The following NLRP13 variants were observed in gnomAD, a reference collection of about 807,000 sequenced individuals.
The protein encoded by NLRP13 is NLR family pyrin domain containing 13.
Under a neutral mutation model 94.4 loss-of-function variants are expected in NLRP13, and 82 were observed. That is an observed-to-expected ratio of 0.87 (90% CI 0.73 to 1.04). The LOEUF (loss-of-function observed/expected upper bound fraction) is 1.04, where lower values mean the gene tolerates loss of function less well. NLRP13 is among the 50% of genes least tolerant of loss of function. The probability of loss-of-function intolerance (pLI) is 0.00; values close to 1 mark genes in which losing one functional copy is unlikely to be tolerated. For missense variants in NLRP13, 1,426 were observed against 1,230.8 expected, an observed-to-expected ratio of 1.16 and a Z score of -2.37; for synonymous variants, 553 against 464.7, an observed-to-expected ratio of 1.19 and a Z score of -2.45.
At chr19:55,892,302 A>T (rs1451460811), downstream of NLRP13, among the ~76,000 whole-genome samples, 2 of 151,960 alleles carry the variant, frequency 1.3e-5, no homozygotes, top group South Asian at 4.2e-4. Context: ...AAGTACTTTA[A>T]CCCTTGCCTC....
At position 55,895,993 on chromosome 19, in the gene NLRP13, T is replaced by C; in HGVS notation, c.3084A>G (p.Leu1028=). 6.2e-7 allele frequency: 1 copy of C among 1,614,164 alleles called. No individual in the cohort carries two copies. The highest frequency in any genetic ancestry group is 8.5e-7 in the Non-Finnish European group (1 of 1,180,012). Reference sequence around the variant, plus strand: ...ATGTCGACTTTTTCAAAGCCTTACATAGCATCTTGACACCATCAGTATCCA... The same window carrying C: ...ATGTCGACTTTTTCAAAGCCTTACACAGCATCTTGACACCATCAGTATCCA... ...NELDTDGVKM[L]CKALKKSTCR... is the part of the protein sequence containing the mutation. The change falls in exon 11 of 11, where the codon CTA becomes CTG. Residue 1028 remains leucine, a synonymous_variant. Coordinates refer to ENST00000342929, the MANE Select transcript of NLRP13 (RefSeq NM_176810.2).
At chr19:55,931,317 T>C (rs1429719604) in intron 1 of NLRP13, among the ~76,000 whole-genome samples, 1 of 151,930 alleles carries the variant, frequency 6.6e-6, no homozygotes, top group Non-Finnish European at 1.5e-5. Context: ...TTCTTAGTGT[T>C]TCTCTTGGGC....
At chr19:55,904,691 A>G (rs1986285992) in intron 8 of NLRP13, among the ~76,000 whole-genome samples, 1 of 152,176 alleles carries the variant, frequency 6.6e-6, no homozygotes. Context: ...CTCACATATG[A>G]GTTGACCAAA....
intron 4 of NLRP13, among the ~76,000 whole-genome samples, chr19:55,917,462 G>A (rs76211624): frequency 8.9e-4 from 136 of 151,982 alleles, no homozygotes; most frequent in African/African-American, 3.1e-3. Context: ...GATTAAATGC[G>A]CTTCTTAAAA....
intron 4 of NLRP13, among the ~76,000 whole-genome samples, chr19:55,918,873 T>C (rs1986741251): frequency 6.6e-6 from 1 of 152,072 alleles, no homozygotes; most frequent in Non-Finnish European, 1.5e-5. Context: ...TCTAATTCCT[T>C]TTATTAAGCC....
At chr19:55,917,836 G>C (rs985450457) in intron 4 of NLRP13, among the ~76,000 whole-genome samples, 1 of 152,036 alleles carries the variant, frequency 6.6e-6, no homozygotes, top group Non-Finnish European at 1.5e-5. Context: ...ACACCCCACT[G>C]ACAGCACTAG....
At chr19:55,930,529 T>C (rs903279980) in intron 1 of NLRP13, among the ~76,000 whole-genome samples, 3 of 151,418 alleles carry the variant, frequency 2.0e-5, no homozygotes, top group Non-Finnish European at 4.4e-5. Flanking sequence ...CTACTACAAA[T>C]ACAAAAATTA....
intron 4 of NLRP13, among the ~76,000 whole-genome samples, chr19:55,919,005 TA>T (rs758473250): frequency 6.6e-6 from 1 of 151,798 alleles, no homozygotes; most frequent in South Asian, 2.1e-4. Flanking sequence ...CAACAACACA[TA>T]AAAAAGATAA....
chr19:55,924,115 AGTTTATATTTTTT>A (rs1986910645), intron 3 of NLRP13, 136 bp from the exon 4 acceptor site: 1 of 681,336 alleles, frequency 1.5e-6, no homozygotes, highest in Non-Finnish European at 2.6e-6. Flanking sequence ...CAGCATGCCC[AGTTTATATTTTTT>A]ATTTATTTTT....
chr19:55,913,770 G>A (rs933948360), intron 4 of NLRP13, among the ~76,000 whole-genome samples: 1 of 151,804 alleles, frequency 6.6e-6, no homozygotes, highest in African/African-American at 2.4e-5. Context: ...CTTTCAGGCG[G>A]GGGGAAGGCC....
downstream of NLRP13, chr19:55,895,903 CT>C: frequency 6.3e-7 from 1 of 1,596,636 alleles, no homozygotes; most frequent in Non-Finnish European, 8.5e-7. Flanking sequence ...TCAATCTAGC[CT>C]TGTCCCTGTA....
chr19:55,930,062 A>G (rs1229734499), intron 1 of NLRP13, among the ~76,000 whole-genome samples: 1 of 152,184 alleles, frequency 6.6e-6, no homozygotes, highest in Non-Finnish European at 1.5e-5. Context: ...CCTTTCCACC[A>G]GAAGATACAC....
Position 55,895,990 on chromosome 19 carries a change from A to C in NLRP13, c.3087T>G (p.Cys1029Trp), listed in dbSNP as rs1985997017. 6.2e-7 allele frequency: 1 copy of C among 1,614,184 alleles called. No individual in the cohort carries two copies. The highest frequency in any genetic ancestry group is 1.7e-5 in the Admixed American group (1 of 60,018). ...TGCATGTCGACTTTTTCAAAGCCTT[A>C]CATAGCATCTTGACACCATCAGTAT... The part of the protein sequence containing the change: ...ELDTDGVKML[C>W]KALKKSTCRL... Residue 1029 changes from cysteine to tryptophan, a missense_variant, in exon 11 of 11, where the codon TGT (cysteine) becomes TGG (tryptophan). By Grantham distance (215) the Cys-to-Trp change is radical. Transcript: ENST00000342929.
At position 55,913,151 on chromosome 19, in the gene NLRP13, A is replaced by G. The variant is rs201994825; in HGVS notation, c.666T>C (p.Asn222=). The G allele has an allele frequency of 6.2e-6, 10 of 1,613,956 alleles. No individual in the cohort carries two copies. The highest frequency in any genetic ancestry group is 2.2e-5 in the East Asian group (1 of 44,860). ...HEELQRLLDP[N]RTRAQAQTIV... ...TCGTCTGGGCCTGGGCTCTAGTCCTATTAGGATCCAGTAGGCGCTGCAGTT... is the reference window on the plus strand; with the variant it reads ...TCGTCTGGGCCTGGGCTCTAGTCCTGTTAGGATCCAGTAGGCGCTGCAGTT... Residue 222 remains asparagine (N), a synonymous_variant, in exon 5 of 11, where the codon AAT becomes AAC. Transcript: ENST00000342929.
intron 4 of NLRP13, among the ~76,000 whole-genome samples, chr19:55,917,066 GT>G (rs1028094418): frequency 6.6e-6 from 1 of 152,090 alleles, no homozygotes; most frequent in African/African-American, 2.4e-5. Context: ...AATTTCAAAG[GT>G]TTTTTGTTTA....
chr19:55,909,195 C>A (rs1034844465), intron 6 of NLRP13, among the ~76,000 whole-genome samples: 1 of 152,158 alleles, frequency 6.6e-6, no homozygotes, highest in Non-Finnish European at 1.5e-5. Context: ...AGTTCCCCCC[C>A]GGCTTAATTG....
At chr19:55,924,526 T>C in intron 3 of NLRP13, 64 bp downstream of exon 3, 1 of 1,166,716 alleles carries the variant, frequency 8.6e-7, no homozygotes, top group Non-Finnish European at 1.3e-6. Flanking sequence ...GCAGCAAATG[T>C]GGACCAATGA....
intron 10 of NLRP13, 23 bp from the exon 11 acceptor site, chr19:55,896,142 C>A: frequency 1.2e-6 from 2 of 1,611,986 alleles, no homozygotes; most frequent in Non-Finnish European, 1.7e-6. Flanking sequence ...GGGAAGAAAG[C>A]ACAACAGATA....
At chr19:55,919,469 G>C (rs1401846215) in intron 4 of NLRP13, among the ~76,000 whole-genome samples, 2 of 151,718 alleles carry the variant, frequency 1.3e-5, no homozygotes, top group Admixed American at 6.6e-5. Flanking sequence ...AAACTCTAAA[G>C]ACTTCTCTAA....
Sources: gnomAD v4.1 joint callset for allele counts (sites outside exome capture counted in the v4.1 genomes callset) on GRCh38, gnomAD v4.1.1 for gene constraint, MANE v1.5 for transcripts, NCBI Gene and HGNC (gene_info 2026-07-23, HGNC 2026-07-21) for gene names.